Variants in HIP1 observed in about 807,000 individuals in gnomAD.
HIP1 encodes huntingtin interacting protein 1.
Under a neutral mutation model 147.6 loss-of-function variants are expected in HIP1, and 65 were observed. The ratio of observed to expected loss-of-function variants is 0.44; its 90% CI spans 0.36 to 0.54. HIP1 has a LOEUF of 0.54. Ranked by LOEUF, HIP1 falls within the 20% of genes least tolerant of loss-of-function variation. The probability of loss-of-function intolerance (pLI) is 0.00; values close to 1 mark genes in which losing one functional copy is unlikely to be tolerated. For synonymous variants in HIP1, 479 were observed against 504.0 expected, an observed-to-expected ratio of 0.95 and a Z score of 0.67; for missense variants, 1,061 against 1,299.6, an observed-to-expected ratio of 0.82 and a Z score of 2.82.
At chr7:75,673,555 C>T (rs186134103) in intron 1 of HIP1, among the ~76,000 whole-genome samples, 28 of 152,200 alleles carry the variant, frequency 1.8e-4, no homozygotes, top group Admixed American at 7.2e-4. Flanking sequence ...TTTCTTCCAA[C>T]AATATTTCGT....
At chr7:75,587,689 T>G (rs1009722012) in intron 4 of HIP1, among the ~76,000 whole-genome samples, 10 of 152,102 alleles carry the variant, frequency 6.6e-5, no homozygotes, top group Non-Finnish European at 1.5e-4. Flanking sequence ...TCTGGCCAGG[T>G]GCAGTGGCTC....
chr7:75,680,936 T>C (rs541965150), intron 1 of HIP1, among the ~76,000 whole-genome samples: 146 of 152,190 alleles, frequency 9.6e-4, no homozygotes, highest in African/African-American at 3.0e-3. Context: ...CCACCACACC[T>C]GGCTAATTTT....
At chr7:75,721,070 A>C (rs544001351) in intron 1 of HIP1, among the ~76,000 whole-genome samples, 108 of 150,310 alleles carry the variant, frequency 7.2e-4, no homozygotes, top group Non-Finnish European at 1.3e-3. Context: ...CATCTCTATA[A>C]AAAATCAAAA....
intron 4 of HIP1, among the ~76,000 whole-genome samples, chr7:75,589,962 T>C (rs1349753627): frequency 2.0e-5 from 3 of 151,920 alleles, no homozygotes; most frequent in African/African-American, 7.2e-5. Flanking sequence ...CTCAATCTCC[T>C]GACCTCGTGA....
At chr7:75,649,932 C>G (rs1798918480) in intron 1 of HIP1, among the ~76,000 whole-genome samples, 2 of 152,126 alleles carry the variant, frequency 1.3e-5, no homozygotes, top group Non-Finnish European at 1.5e-5. Context: ...GCTGTTCCCC[C>G]CATATTAAAC....
intron 1 of HIP1, among the ~76,000 whole-genome samples, chr7:75,721,264 C>T (rs1801496595): frequency 6.6e-6 from 1 of 151,980 alleles, no homozygotes; most frequent in South Asian, 2.1e-4. Flanking sequence ...GTAATCCCAG[C>T]TCCTCAGGAG....
intron 1 of HIP1, among the ~76,000 whole-genome samples, chr7:75,616,867 A>G (rs1339274431): frequency 6.6e-6 from 1 of 152,038 alleles, no homozygotes; most frequent in Non-Finnish European, 1.5e-5. Flanking sequence ...ACAGTGATTG[A>G]TCTAACTGAT....
At chr7:75,566,881 G>A in intron 9 of HIP1, among the ~76,000 whole-genome samples, 1 of 151,266 alleles carries the variant, frequency 6.6e-6, no homozygotes, top group East Asian at 1.9e-4. Flanking sequence ...CATCACTTTG[G>A]GAGGCAGATC....
intron 1 of HIP1, among the ~76,000 whole-genome samples, chr7:75,614,622 T>C (rs897254327): frequency 3.9e-5 from 6 of 152,056 alleles, no homozygotes; most frequent in East Asian, 1.9e-4. Context: ...ATAGTGAAAA[T>C]GTTCTGAAAT....
At chr7:75,563,635 A>G (rs924982905) in intron 9 of HIP1, among the ~76,000 whole-genome samples, 1 of 152,212 alleles carries the variant, frequency 6.6e-6, no homozygotes, top group African/African-American at 2.4e-5. Context: ...CCATCTAACC[A>G]TAGGAAAAGG....
intron 7 of HIP1, among the ~76,000 whole-genome samples, chr7:75,576,939 A>T (rs180934866): frequency 3.3e-5 from 5 of 152,332 alleles, no homozygotes; most frequent in South Asian, 2.1e-4. Flanking sequence ...AGTGCAGCTG[A>T]GGACCTGACT....
At chr7:75,585,462 C>T (rs1053802249) in intron 5 of HIP1, among the ~76,000 whole-genome samples, 3 of 152,096 alleles carry the variant, frequency 2.0e-5, no homozygotes, top group Non-Finnish European at 2.9e-5. Flanking sequence ...AGGCGTGAGC[C>T]ACTGCGCCCA....
intron 1 of HIP1, among the ~76,000 whole-genome samples, chr7:75,714,575 C>A (rs1801259796): frequency 6.6e-6 from 1 of 151,658 alleles, no homozygotes; most frequent in South Asian, 2.1e-4. Flanking sequence ...GCCTCAGCCT[C>A]CCGAGTAGCT....
intron 7 of HIP1, among the ~76,000 whole-genome samples, chr7:75,575,320 T>G (rs1554497518): frequency 1.3e-5 from 2 of 148,810 alleles, no homozygotes; most frequent in Non-Finnish European, 3.0e-5. Context: ...ATTAGCTGGG[T>G]GTGGTGGCGT....
intron 1 of HIP1, among the ~76,000 whole-genome samples, chr7:75,720,782 T>C (rs1801475335): frequency 6.6e-6 from 1 of 152,058 alleles, no homozygotes; most frequent in Non-Finnish European, 1.5e-5. Flanking sequence ...CTCACGCCTA[T>C]AATCCCAGCA....
intron 7 of HIP1, among the ~76,000 whole-genome samples, chr7:75,578,274 G>T (rs947596617): frequency 1.3e-5 from 2 of 152,214 alleles, no homozygotes; most frequent in East Asian, 1.9e-4. Context: ...TGAGAGCCAT[G>T]GGGAGAGAGC....
chr7:75,539,230 G>C, intron 30 of HIP1, 93 bp downstream of exon 30: 1 of 836,982 alleles, frequency 1.2e-6, no homozygotes, highest in Non-Finnish European at 2.0e-6. Context: ...GATCTGGTGG[G>C]TTCCTTGTTC....
chr7:75,611,482 GA>G (rs1203789142), intron 1 of HIP1, among the ~76,000 whole-genome samples: 51 of 130,428 alleles, frequency 3.9e-4, no homozygotes, highest in South Asian at 1.7e-3. Flanking sequence ...AAAAAAAAAA[GA>G]AAAAAAAAAG....
intron 1 of HIP1, among the ~76,000 whole-genome samples, chr7:75,698,251 G>A (rs188675064): frequency 6.6e-6 from 1 of 152,054 alleles, no homozygotes; most frequent in Non-Finnish European, 1.5e-5. Flanking sequence ...GGGCTCACTA[G>A]ATGCCAGTCA....
Sources: gnomAD v4.1 joint callset for allele counts (sites outside exome capture counted in the v4.1 genomes callset) on GRCh38, gnomAD v4.1.1 for gene constraint, MANE v1.5 for transcripts, NCBI Gene and HGNC (gene_info 2026-07-23, HGNC 2026-07-21) for gene names.